The following ITSN2 variants were observed in gnomAD, a reference collection of about 807,000 sequenced individuals.
ITSN2 encodes the protein intersectin 2.
A neutral mutation model predicts 243.7 loss-of-function variants in ITSN2; 156 were observed. The ratio of observed to expected loss-of-function variants is 0.64; its 90% CI spans 0.56 to 0.73. The LOEUF (loss-of-function observed/expected upper bound fraction) is 0.73, where lower values mean the gene tolerates loss of function less well. Among genes scored for constraint, ITSN2 ranks in the 30% least tolerant of loss-of-function variants. The probability of loss-of-function intolerance (pLI) is 0.00; values close to 1 mark genes in which losing one functional copy is unlikely to be tolerated. For missense variants in ITSN2, 1,801 were observed against 1,996.1 expected (o/e 0.90, Z 1.86); for synonymous variants, 703 against 699.9 (o/e 1.00, Z -0.07).
chr2:24,354,754 A>G (rs1688300979), intron 1 of ITSN2, among the ~76,000 whole-genome samples: 1 of 152,244 alleles, frequency 6.6e-6, no homozygotes, highest in Non-Finnish European at 1.5e-5. Context: ...AAAATCACAT[A>G]TACTTTATCT....
rs1181051062 is a variant in ITSN2, at chr2:24,270,773, A to T, written c.2258-5T>A. 1 of 1,489,816 alleles carries T rather than the reference A, an allele frequency of 6.7e-7. No homozygotes were observed. The highest frequency in any genetic ancestry group is 2.3e-5 in the East Asian group (1 of 44,170). The allele number at this position is 1,489,816 out of a possible 1,614,324, so 92.3% of individuals were successfully genotyped here. On this transcript the variant is annotated splice_region_variant and splice_polypyrimidine_tract_variant and intron_variant, in intron 19 of 39. Coordinates refer to ENST00000355123, the MANE Select transcript of ITSN2 (RefSeq NM_006277.3). Reference sequence around the variant, plus strand: ...CCAAAACACTAGCTGTCTCACCTAAAGAGAAGACAATTGTCATTATTTGCA... The same window carrying T: ...CCAAAACACTAGCTGTCTCACCTAATGAGAAGACAATTGTCATTATTTGCA...
intron 23 of ITSN2, among the ~76,000 whole-genome samples, chr2:24,257,191 G>A (rs940261506): frequency 6.6e-5 from 10 of 151,996 alleles, no homozygotes; most frequent in African/African-American, 2.4e-4. Flanking sequence ...ATGGTAGCGT[G>A]CACCTGTGGT....
chr2:24,216,723 C>A lies in ITSN2; in HGVS notation c.3807-491G>T, dbSNP rs563968178. 7.3e-5 allele frequency among the ~76,000 whole-genome samples: 11 copies of A among 151,594 alleles called. No homozygotes were observed. The South Asian group carries it at 2.3e-3, about 31-fold the overall frequency. ...AGTGAGCTACGATCACACCACTGCA[C>A]TGCAGCTTGGGTGACAGAGTGAGAC... On this transcript the variant is annotated intron_variant, in intron 31 of 39. Coordinates refer to ENST00000355123, the MANE Select transcript of ITSN2 (RefSeq NM_006277.3).
At chr2:24,296,554 G>A (rs1382917950) in intron 13 of ITSN2, among the ~76,000 whole-genome samples, 3 of 152,118 alleles carry the variant, frequency 2.0e-5, no homozygotes, top group African/African-American at 4.8e-5. Flanking sequence ...GAACACAAAA[G>A]GCACCAGAGA....
chr2:24,330,987 G>A (rs1301082803), intron 1 of ITSN2, among the ~76,000 whole-genome samples: 1 of 150,734 alleles, frequency 6.6e-6, no homozygotes, highest in Non-Finnish European at 1.5e-5. Context: ...GGCTTGTCTC[G>A]AACTCCTGAC....
At chr2:24,319,312 C>T (rs1237915768) in intron 2 of ITSN2, among the ~76,000 whole-genome samples, 1 of 152,110 alleles carries the variant, frequency 6.6e-6, no homozygotes, top group African/African-American at 2.4e-5. Flanking sequence ...CCTTAGACCC[C>T]AGGAGGTATG....
intron 18 of ITSN2, among the ~76,000 whole-genome samples, 159 bp from the exon 19 acceptor site, chr2:24,272,100 CAAAT>C (rs1040085267): frequency 4.6e-5 from 7 of 152,000 alleles, no homozygotes; most frequent in Non-Finnish European, 8.8e-5. Context: ...GAAAGGAAAA[CAAAT>C]CAATCAATCA....
intron 9 of ITSN2, among the ~76,000 whole-genome samples, chr2:24,302,367 T>A (rs1367631514): frequency 6.6e-6 from 1 of 151,798 alleles, no homozygotes; most frequent in East Asian, 1.9e-4. Flanking sequence ...CCTGGCTAAT[T>A]TTTTGTATTT....
chr2:24,325,828 G>C (rs2151828826), intron 2 of ITSN2, among the ~76,000 whole-genome samples: 2 of 152,204 alleles, frequency 1.3e-5, no homozygotes, highest in Middle Eastern at 6.8e-3. Flanking sequence ...CTTATAGTCA[G>C]TGAAGAAAAA....
chr2:24,302,129 TTAA>T (rs1418030896), intron 9 of ITSN2, 27 bp from the exon 10 acceptor site: 28 of 1,559,002 alleles, frequency 1.8e-5, no homozygotes, highest in Non-Finnish European at 2.2e-5. Context: ...AATTCACAAC[TTAA>T]TAAAGTCTAT....
chr2:24,271,983 T>C (rs1043809735), intron 18 of ITSN2, 42 bp from the exon 19 acceptor site: 3 of 1,358,210 alleles, frequency 2.2e-6, no homozygotes. Flanking sequence ...GTCCTAGAAA[T>C]TTTTTACACT....
chr2:24,328,721 C>T (rs1685439955), intron 1 of ITSN2, among the ~76,000 whole-genome samples: 1 of 152,140 alleles, frequency 6.6e-6, no homozygotes, highest in African/African-American at 2.4e-5. Flanking sequence ...CGTCAGCCTC[C>T]CAAAGTGCTG....
intron 8 of ITSN2, among the ~76,000 whole-genome samples, chr2:24,306,866 C>T (rs552890170): frequency 1.3e-4 from 20 of 151,660 alleles, no homozygotes; most frequent in Non-Finnish European, 2.2e-4. Flanking sequence ...AGTGCACTGG[C>T]GCAATCTCGG....
chr2:24,346,270 G>A (rs189906959), intron 1 of ITSN2, among the ~76,000 whole-genome samples: 1 of 152,302 alleles, frequency 6.6e-6, no homozygotes, highest in East Asian at 1.9e-4. Context: ...ATGTGCTCTT[G>A]ATAAGATGAA....
chr2:24,233,593 C>T (rs1671836934), intron 29 of ITSN2, among the ~76,000 whole-genome samples: 1 of 152,184 alleles, frequency 6.6e-6, no homozygotes, highest in African/African-American at 2.4e-5. Context: ...TGAGTTCCAA[C>T]TCTACTACTT....
chr2:24,322,047 T>C (rs953665801), intron 2 of ITSN2, among the ~76,000 whole-genome samples: 18 of 152,186 alleles, frequency 1.2e-4, no homozygotes, highest in Non-Finnish European at 2.6e-4. Context: ...ACTAACTATG[T>C]ACCAACATAT....
At chr2:24,235,385 CTG>C (rs545331892) in intron 29 of ITSN2, among the ~76,000 whole-genome samples, 193 of 152,238 alleles carry the variant, frequency 1.3e-3, no homozygotes, top group African/African-American at 4.1e-3. Flanking sequence ...TGAAAATACT[CTG>C]TATGATACTG....
At chr2:24,303,413 A>T (rs1682049063) in intron 9 of ITSN2, among the ~76,000 whole-genome samples, 1 of 152,264 alleles carries the variant, frequency 6.6e-6, no homozygotes. Flanking sequence ...AATAAATTTT[A>T]AAAACAAGAA....
chr2:24,267,198 G>A (rs1210453266), intron 20 of ITSN2, among the ~76,000 whole-genome samples: 1 of 151,924 alleles, frequency 6.6e-6, no homozygotes, highest in Non-Finnish European at 1.5e-5. Flanking sequence ...AGAACACATG[G>A]ACACAGGGAG....
Sources: gnomAD v4.1 joint callset for allele counts (sites outside exome capture counted in the v4.1 genomes callset) on GRCh38, gnomAD v4.1.1 for gene constraint, MANE v1.5 for transcripts, NCBI Gene and HGNC (gene_info 2026-07-23, HGNC 2026-07-21) for gene names.